Variants in TRAPPC9 observed in about 807,000 individuals in gnomAD.
The protein encoded by TRAPPC9 is trafficking protein particle complex subunit 9.
A neutral mutation model predicts 124.0 loss-of-function variants in TRAPPC9; 83 were observed. The observed-to-expected ratio is 0.67, with a 90% CI of 0.56 to 0.80. The LOEUF (loss-of-function observed/expected upper bound fraction) is 0.80. Ranked by LOEUF, TRAPPC9 falls within the 30% of genes least tolerant of loss-of-function variation. The pLI, the probability that TRAPPC9 is intolerant of heterozygous loss-of-function variation, is 0.00. For missense variants in TRAPPC9, 1,302 were observed against 1,508.3 expected, an observed-to-expected ratio of 0.86 and a Z score of 2.27; for synonymous variants, 638 against 617.5, an observed-to-expected ratio of 1.03 and a Z score of -0.49.
At position 139,965,876 on chromosome 8, in the gene TRAPPC9, T is replaced by C. The variant is rs547266531; in HGVS notation, c.2810+22850A>G. Reference sequence around the variant, plus strand: ...GAATTTCCTTTAACCTAATCACCAATAAACAGCAGTGAGGGAAGCACAGCA... The same window carrying C: ...GAATTTCCTTTAACCTAATCACCAACAAACAGCAGTGAGGGAAGCACAGCA... On this transcript the variant is annotated intron_variant, in intron 19 of 22. Transcript: ENST00000438773. Among the ~76,000 whole-genome samples, 28 of 103,752 alleles carry C rather than the reference T, an allele frequency of 2.7e-4. No individual in the cohort carries two copies. The South Asian group carries it at 8.3e-3, about 31-fold the overall frequency. 68.1% of individuals were successfully genotyped at this position (103,752 alleles called of 152,430 possible). A position where few individuals can be genotyped will look rare whatever the true frequency, so the allele number is the denominator to read the frequency against.
chr8:140,040,962 A>T (rs1451980950), intron 17 of TRAPPC9: 1 of 152,248 alleles, frequency 6.6e-6, no homozygotes, highest in East Asian at 1.9e-4. Context: ...GTGTCCACGG[A>T]AAGGTGGAAA....
chr8:139,885,986 G>A lies in TRAPPC9; in HGVS notation c.2965-17C>T. The A allele has an allele frequency of 6.4e-7, 1 of 1,556,862 alleles. No homozygotes were observed. The highest frequency in any genetic ancestry group is 8.7e-7 in the Non-Finnish European group (1 of 1,149,704). On this transcript the variant is annotated splice_polypyrimidine_tract_variant and intron_variant, in intron 20 of 22. Coordinates refer to ENST00000438773, the MANE Select transcript of TRAPPC9 (RefSeq NM_001160372.4). Reference sequence around the variant, plus strand: ...CAGGGAGGGGTGAGCCTTGGTCAAGGAAAACGCAACTCCTGCGGAGCCCAG... The same window carrying A: ...CAGGGAGGGGTGAGCCTTGGTCAAGAAAAACGCAACTCCTGCGGAGCCCAG...
intron 4 of TRAPPC9, among the ~76,000 whole-genome samples, chr8:140,432,865 CTG>C (rs2132590268): frequency 6.7e-6 from 1 of 149,944 alleles, no homozygotes; most frequent in African/African-American, 2.5e-5. Flanking sequence ...GAGCAAGACT[CTG>C]TATCAAAAAA....
chr8:140,343,012 A>AC (rs1291918909), intron 9 of TRAPPC9, among the ~76,000 whole-genome samples: 1 of 152,258 alleles, frequency 6.6e-6, no homozygotes, highest in Non-Finnish European at 1.5e-5. Flanking sequence ...GCTTGCGATC[A>AC]CTATGGCCAA....
chr8:139,824,998 C>T (rs536055790), intron 21 of TRAPPC9, among the ~76,000 whole-genome samples: 5 of 152,104 alleles, frequency 3.3e-5, no homozygotes, highest in African/African-American at 9.7e-5. Flanking sequence ...GGGAGGTGGA[C>T]GTGACCAGGG....
chr8:139,740,677 G>A (rs1818494151), intron 21 of TRAPPC9, among the ~76,000 whole-genome samples: 1 of 152,240 alleles, frequency 6.6e-6, no homozygotes, highest in African/African-American at 2.4e-5. Context: ...AGGCAGGGGA[G>A]GCAGTTCCAG....
chr8:139,881,142 T>C (rs556377066), intron 21 of TRAPPC9: 2 of 152,324 alleles, frequency 1.3e-5, no homozygotes, highest in South Asian at 4.2e-4. Context: ...AGAAGGAGCC[T>C]CCTGCCCTCC....
chr8:140,388,955 T>C (rs980947076), intron 7 of TRAPPC9, among the ~76,000 whole-genome samples: 4 of 142,484 alleles, frequency 2.8e-5, no homozygotes, highest in Admixed American at 6.9e-5. Flanking sequence ...ACAAACACTG[T>C]CTTTTTTTTT....
At chr8:139,836,523 G>A (rs1395285957) in intron 21 of TRAPPC9, among the ~76,000 whole-genome samples, 1 of 152,204 alleles carries the variant, frequency 6.6e-6, no homozygotes, top group African/African-American at 2.4e-5. Context: ...CCCAGCCCAG[G>A]CCTGCATGAA....
chr8:140,422,114 T>C (rs893309062), intron 5 of TRAPPC9, among the ~76,000 whole-genome samples: 1 of 151,422 alleles, frequency 6.6e-6, no homozygotes, highest in East Asian at 1.9e-4. Context: ...AACTCATGAG[T>C]TTGAATGCCC....
chr8:140,056,635 T>C (rs1842302729), intron 17 of TRAPPC9, among the ~76,000 whole-genome samples: 1 of 152,020 alleles, frequency 6.6e-6, no homozygotes, highest in Non-Finnish European at 1.5e-5. Context: ...ATTGAATCTT[T>C]ATCTTATACC....
intron 7 of TRAPPC9, among the ~76,000 whole-genome samples, chr8:140,385,539 C>T (rs1376167630): frequency 1.3e-5 from 2 of 152,158 alleles, no homozygotes; most frequent in African/African-American, 4.8e-5. Context: ...CTATAAACAC[C>T]TCTATGCAAA....
rs188570467 is a variant in TRAPPC9, at chr8:140,176,159, T to G, written c.2556+45300A>C. 1.1e-4 allele frequency among the ~76,000 whole-genome samples: 17 copies of G among 152,360 alleles called. No homozygotes were observed. In the East Asian group the frequency reaches 3.1e-3, roughly 28 times the overall value. ...CTCTTGAACTATGAAAGTTGTTTTA[T>G]TTTATTGAGAAATAATTAATATGAA... is the stretch of plus-strand genomic sequence containing the variant. On this transcript the variant is annotated intron_variant, in intron 17 of 22. Coordinates refer to ENST00000438773, the MANE Select transcript of TRAPPC9 (RefSeq NM_001160372.4).
intron 17 of TRAPPC9, among the ~76,000 whole-genome samples, chr8:140,029,580 G>A (rs112174636): frequency 0.025 from 3,790 of 151,836 alleles, 71 homozygotes; most frequent in Middle Eastern, 0.059. Context: ...GTCTATCGTT[G>A]TTGGACATAC....
chr8:140,408,761 G>T (rs548595393), intron 5 of TRAPPC9, among the ~76,000 whole-genome samples: 5 of 150,130 alleles, frequency 3.3e-5, no homozygotes, highest in African/African-American at 9.8e-5. Flanking sequence ...GGCCAAGATG[G>T]ACTTTTTAAT....
At chr8:140,032,607 T>TA (rs1488729655) in intron 17 of TRAPPC9, among the ~76,000 whole-genome samples, 1 of 152,256 alleles carries the variant, frequency 6.6e-6, no homozygotes, top group Non-Finnish European at 1.5e-5. Context: ...ATGGTACAGA[T>TA]ATGCTACAGC....
chr8:140,105,666 G>T (rs1260235599), intron 17 of TRAPPC9, among the ~76,000 whole-genome samples: 1 of 152,094 alleles, frequency 6.6e-6, no homozygotes, highest in Non-Finnish European at 1.5e-5. Flanking sequence ...AGATCTAGCA[G>T]TACCTCCTCT....
intron 17 of TRAPPC9, among the ~76,000 whole-genome samples, chr8:140,114,441 T>G (rs2060840955): frequency 6.6e-6 from 1 of 152,098 alleles, no homozygotes; most frequent in African/African-American, 2.4e-5. Flanking sequence ...AGTAGAAATC[T>G]GATATCATAA....
At chr8:140,383,945 T>A (rs1369949893) in intron 7 of TRAPPC9, among the ~76,000 whole-genome samples, 1 of 152,248 alleles carries the variant, frequency 6.6e-6, no homozygotes, top group Middle Eastern at 3.4e-3. Context: ...GGGAAACCCA[T>A]CAGACTAACA....
Sources: gnomAD v4.1 joint callset for allele counts (sites outside exome capture counted in the v4.1 genomes callset) on GRCh38, gnomAD v4.1.1 for gene constraint, MANE v1.5 for transcripts, NCBI Gene and HGNC (gene_info 2026-07-23, HGNC 2026-07-21) for gene names.